Variants in UACA observed in about 807,000 individuals in gnomAD.
The protein encoded by UACA is uveal autoantigen with coiled-coil domains and ankyrin repeats.
UACA carries 112 observed loss-of-function variants against 160.5 expected under a neutral mutation model. The ratio of observed to expected loss-of-function variants is 0.70; its 90% CI spans 0.60 to 0.82. The LOEUF (loss-of-function observed/expected upper bound fraction) is 0.82, where lower values mean the gene tolerates loss of function less well. UACA is among the 40% of genes least tolerant of loss of function. The probability of loss-of-function intolerance (pLI) is 0.00; values close to 1 mark genes in which losing one functional copy is unlikely to be tolerated. For missense variants in UACA, 1,574 were observed against 1,614.6 expected, an observed-to-expected ratio of 0.97 and a Z score of 0.43; for synonymous variants, 557 against 568.4, an observed-to-expected ratio of 0.98 and a Z score of 0.29.
Position 70,763,476 on chromosome 15 carries a change from G to T in UACA, c.-69C>A, listed in dbSNP as rs1038789967. ...GAGTGCCAGCGCGCAAGGAGTAGAC[G>T]GCAGCGGCTGCAGCAGAGGCGGCGC... On this transcript the variant is annotated 5_prime_UTR_variant, in exon 1 of 19. Transcript: ENST00000322954. 11 of 1,263,444 alleles carry T rather than the reference G, an allele frequency of 8.7e-6. No homozygotes were observed. The highest frequency in any genetic ancestry group is 1.6e-5 in the African/African-American group (1 of 64,354). The allele number at this position is 1,263,444 out of a possible 1,614,324, so 78.3% of individuals were successfully genotyped here. A position where few individuals can be genotyped will look rare whatever the true frequency, so the allele number is the denominator to read the frequency against.
chr15:70,661,310 T>C (rs79556904), intron 17 of UACA: 24 of 152,336 alleles, frequency 1.6e-4, no homozygotes, highest in Non-Finnish European at 3.1e-4. Flanking sequence ...CATCTTGTGA[T>C]TTTTACTTTT....
At chr15:70,657,908 C>G (rs1221056968) in intron 18 of UACA, among the ~76,000 whole-genome samples, 1 of 146,086 alleles carries the variant, frequency 6.8e-6, no homozygotes, top group Admixed American at 7.0e-5. Flanking sequence ...ACAGTGGAGA[C>G]TGTCGCAAAA....
In UACA at chr15:70,670,937, GTA is replaced by G. The variant is rs1897116068; in HGVS notation, c.1221+100_1221+101del. 6.7e-6 allele frequency: 4 copies of G among 597,686 alleles called. No individual in the cohort carries two copies. In the East Asian group the frequency reaches 1.2e-4, roughly 18 times the overall value. 37.0% of individuals were successfully genotyped at this position (597,686 alleles called of 1,614,324 possible). On this transcript the variant is annotated intron_variant, in intron 15 of 18. Coordinates refer to ENST00000322954, the MANE Select transcript of UACA (RefSeq NM_018003.4). ...TTTGATAATGAAAACCTCACTCTAT[GTA>G]TATATACTTAATGTACAATGCCGCT... is the stretch of plus-strand genomic sequence containing the variant.
chr15:70,703,831 A>C (rs1898448737), intron 1 of UACA, among the ~76,000 whole-genome samples: 1 of 152,088 alleles, frequency 6.6e-6, no homozygotes, highest in African/African-American at 2.4e-5. Context: ...CAAGAGCCCT[A>C]CGCAAATTCC....
chr15:70,665,830 C>A lies in UACA; in HGVS notation c.3960+894G>T, dbSNP rs918417215. Reference sequence around the variant, plus strand: ...GGAGGGCAGTCTGTGTCTGTGTTTACTCCACTGTATCCCCAGCACATGACA... The same window carrying A: ...GGAGGGCAGTCTGTGTCTGTGTTTAATCCACTGTATCCCCAGCACATGACA... On this transcript the variant is annotated intron_variant, in intron 16 of 18. Coordinates refer to ENST00000322954, the MANE Select transcript of UACA (RefSeq NM_018003.4). 3.3e-5 allele frequency among the ~76,000 whole-genome samples: 5 copies of A among 152,276 alleles called. 1 individual carries two copies. The South Asian group carries it at 8.3e-4, about 25-fold the overall frequency.
At chr15:70,710,667 A>G (rs1300099597) in intron 1 of UACA, among the ~76,000 whole-genome samples, 2 of 152,134 alleles carry the variant, frequency 1.3e-5, no homozygotes, top group African/African-American at 4.8e-5. Context: ...AGCTCACAGG[A>G]CTCAGGGAAA....
chr15:70,695,200 GCACA>G (rs1898086866), intron 2 of UACA, 95 bp from the exon 3 acceptor site: 1 of 726,768 alleles, frequency 1.4e-6, no homozygotes, highest in Non-Finnish European at 2.2e-6. Flanking sequence ...ACACACACAC[GCACA>G]CAAACACACA....
At chr15:70,767,449 G>A (rs567267274), upstream of UACA, among the ~76,000 whole-genome samples, 43 of 151,620 alleles carry the variant, frequency 2.8e-4, 2 homozygotes, top group South Asian at 8.0e-3. Flanking sequence ...TTAGCTGGGC[G>A]TGGTGGTGGA....
intron 1 of UACA, among the ~76,000 whole-genome samples, chr15:70,716,427 C>T (rs1898823514): frequency 6.6e-6 from 1 of 152,136 alleles, no homozygotes; most frequent in Non-Finnish European, 1.5e-5. Flanking sequence ...AATTGCTGAC[C>T]TACGAAGTCA....
the UACA span, among the ~76,000 whole-genome samples, chr15:70,769,548 CAT>C: frequency 7.3e-5 from 11 of 150,606 alleles, no homozygotes; most frequent in Non-Finnish European, 1.5e-4. Context: ...TATATATAAA[CAT>C]ATTTTTATTA....
intron 15 of UACA, among the ~76,000 whole-genome samples, chr15:70,670,595 G>C (rs1481720981): frequency 6.6e-6 from 1 of 151,774 alleles, no homozygotes; most frequent in East Asian, 1.9e-4. Context: ...TTCCTCTGAA[G>C]AGGCAAGGAT....
intron 18 of UACA, among the ~76,000 whole-genome samples, 159 bp downstream of exon 18, chr15:70,659,992 G>A (rs190959995): frequency 7.2e-4 from 109 of 152,228 alleles, no homozygotes; most frequent in Non-Finnish European, 1.2e-3. Flanking sequence ...TTTTCTGGGA[G>A]ATCCACAAAC....
chr15:70,703,436 A>G (rs539134388), intron 1 of UACA, among the ~76,000 whole-genome samples: 1 of 152,342 alleles, frequency 6.6e-6, no homozygotes, highest in South Asian at 2.1e-4. Context: ...TATAAAATAT[A>G]TAAGGGTCAT....
chr15:70,694,705 T>A (rs1022123597), intron 3 of UACA, among the ~76,000 whole-genome samples: 1 of 152,088 alleles, frequency 6.6e-6, no homozygotes, highest in African/African-American at 2.4e-5. Flanking sequence ...ACAAGAAACA[T>A]CCAACCAAAT....
intron 16 of UACA, among the ~76,000 whole-genome samples, chr15:70,665,343 C>A (rs561311179): frequency 1.3e-5 from 2 of 152,270 alleles, no homozygotes; most frequent in South Asian, 4.1e-4. Context: ...AGCATTTTTC[C>A]ACCCTGCTTT....
intron 1 of UACA, among the ~76,000 whole-genome samples, chr15:70,729,251 C>T (rs543922225): frequency 1.6e-4 from 25 of 152,214 alleles, no homozygotes; most frequent in African/African-American, 5.5e-4. Context: ...TTCACTGCAG[C>T]ACTATTCACA....
chr15:70,696,275 A>G (rs1466258596), intron 2 of UACA, among the ~76,000 whole-genome samples: 1 of 152,232 alleles, frequency 6.6e-6, no homozygotes, highest in Non-Finnish European at 1.5e-5. Context: ...TTGGAATAGA[A>G]TAAATTCATT....
chr15:70,699,871 T>C (rs1898278702), intron 1 of UACA, among the ~76,000 whole-genome samples: 1 of 152,016 alleles, frequency 6.6e-6, no homozygotes, highest in Non-Finnish European at 1.5e-5. Context: ...ACAAGAAACA[T>C]TTAAAATTAT....
In UACA at chr15:70,691,173, T is replaced by C. The variant is rs553318459; in HGVS notation, c.366+126A>G. The stretch of plus-strand genomic sequence containing the variant: ...ATTCCTTCACAAATGATGGAAAAAA[T>C]ATGTAAGCTCATAGTCAAAGTTAGT... On this transcript the variant is annotated intron_variant, in intron 4 of 18. Coordinates refer to ENST00000322954, the MANE Select transcript of UACA (RefSeq NM_018003.4). 4.9e-5 allele frequency: 29 copies of C among 596,934 alleles called. No individual in the cohort carries two copies. The African/African-American group carries it at 5.5e-4, about 11-fold the overall frequency. 37.0% of individuals were successfully genotyped at this position (596,934 alleles called of 1,614,324 possible).
Sources: allele counts gnomAD v4.1 joint callset (sites outside exome capture counted in the v4.1 genomes callset), GRCh38; gene constraint gnomAD v4.1.1; transcripts MANE v1.5; gene names NCBI Gene and HGNC (gene_info 2026-07-23, HGNC 2026-07-21).